The following CSMD3 variants were observed in gnomAD, a reference collection of about 807,000 sequenced individuals.
CSMD3 encodes CUB and sushi domain-containing protein 3.
In CSMD3, 177 loss-of-function variants were observed where a neutral mutation model predicts 435.2. That is an observed-to-expected ratio of 0.41 (90% CI 0.36 to 0.46). CSMD3 has a LOEUF of 0.46. Among genes scored for constraint, CSMD3 ranks in the 20% least tolerant of loss-of-function variants. The pLI is 0.34. For missense variants in CSMD3, 4,265 were observed against 4,504.6 expected (o/e 0.95, Z 1.52); for synonymous variants, 1,656 against 1,520.5 (o/e 1.09, Z -2.07).
rs538363975 is a variant in CSMD3, at chr8:112,650,289, T to C, written c.3065A>G (p.Tyr1022Cys). 10 of 1,613,676 alleles carry C rather than the reference T, an allele frequency of 6.2e-6. No individual in the cohort carries two copies. The Admixed American group carries it at 1.5e-4, about 24-fold the overall frequency. ...DPGIPVHGRR[Y>C]GHDFSIGSTV... ...AGAGCCAATGGAGAAATCATGACCA[T>C]AGCGACGGCCATGTACAGGTATGCC... Residue 1022 changes from tyrosine to cysteine, a missense_variant, in exon 19 of 71, where the codon TAT (tyrosine) becomes TGT (cysteine). This residue lies in a region of CSMD3 where 3,255 missense variants were observed against 3,380.2 expected (regional missense o/e 0.96). Transcript: ENST00000297405.
At chr8:112,254,464 T>C in intron 62 of CSMD3, 138 bp from the exon 63 acceptor site, 1 of 695,884 alleles carries the variant, frequency 1.4e-6, no homozygotes, top group Non-Finnish European at 2.6e-6. Flanking sequence ...TGTAATAACA[T>C]CTCTCCATGG....
chr8:113,136,119 T>C (rs1450401831), intron 4 of CSMD3, among the ~76,000 whole-genome samples: 1 of 151,834 alleles, frequency 6.6e-6, no homozygotes, highest in Non-Finnish European at 1.5e-5. Context: ...AAATTAAGTA[T>C]GAGTTCAGTT....
chr8:113,286,587 T>C (rs554625940), intron 2 of CSMD3, among the ~76,000 whole-genome samples: 14 of 152,114 alleles, frequency 9.2e-5, no homozygotes, highest in African/African-American at 3.4e-4. Flanking sequence ...ATCATTCTTA[T>C]AGATAAGAAT....
intron 6 of CSMD3, among the ~76,000 whole-genome samples, chr8:112,991,419 A>G (rs2131018521): frequency 6.6e-6 from 1 of 151,930 alleles, no homozygotes; most frequent in Admixed American, 6.6e-5. Flanking sequence ...AAAAATGGTC[A>G]GCCAGTATGC....
intron 4 of CSMD3, among the ~76,000 whole-genome samples, chr8:113,110,111 C>A (rs1004936814): frequency 7.9e-5 from 12 of 152,162 alleles, no homozygotes; most frequent in African/African-American, 2.9e-4. Flanking sequence ...CCTTTGACAT[C>A]ATTCTTCCAC....
intron 40 of CSMD3, among the ~76,000 whole-genome samples, chr8:112,348,802 C>A (rs1177719876): frequency 6.6e-6 from 1 of 151,978 alleles, no homozygotes; most frequent in East Asian, 1.9e-4. Flanking sequence ...TAAACTTAAT[C>A]AAAATGATAC....
At chr8:112,692,087 G>A (rs563093649) in intron 13 of CSMD3, among the ~76,000 whole-genome samples, 18 of 152,142 alleles carry the variant, frequency 1.2e-4, no homozygotes, top group African/African-American at 4.3e-4. Context: ...ACAGGTGTGA[G>A]CCACTGCGCC....
intron 13 of CSMD3, among the ~76,000 whole-genome samples, chr8:112,704,759 A>G (rs969321911): frequency 6.6e-6 from 1 of 152,124 alleles, no homozygotes; most frequent in African/African-American, 2.4e-5. Context: ...GAAATATATA[A>G]TTTACAAATG....
At chr8:112,319,299 G>A (rs770099516) in intron 46 of CSMD3, among the ~76,000 whole-genome samples, 33 of 151,812 alleles carry the variant, frequency 2.2e-4, no homozygotes, top group African/African-American at 4.1e-4. Context: ...AAGTTACATC[G>A]GTCACTGATA....
At chr8:113,195,730 T>A (rs1258176532) in intron 3 of CSMD3, among the ~76,000 whole-genome samples, 1 of 147,764 alleles carries the variant, frequency 6.8e-6, no homozygotes, top group African/African-American at 2.5e-5. Flanking sequence ...TATCTATAAC[T>A]ATATCTCTAT....
chr8:113,083,068 T>C (rs535476387), intron 5 of CSMD3, among the ~76,000 whole-genome samples: 1 of 152,306 alleles, frequency 6.6e-6, no homozygotes, highest in Admixed American at 6.5e-5. Flanking sequence ...AGGAGAGAAC[T>C]AGACATCCAG....
chr8:112,443,099 A>G (rs1320676057), intron 32 of CSMD3, among the ~76,000 whole-genome samples: 7 of 152,192 alleles, frequency 4.6e-5, no homozygotes, highest in Non-Finnish European at 7.4e-5. Flanking sequence ...CCCTGGTGCC[A>G]GGAACTTAGG....
intron 12 of CSMD3, among the ~76,000 whole-genome samples, chr8:112,810,809 A>G (rs2132385211): frequency 6.6e-6 from 1 of 152,196 alleles, no homozygotes; most frequent in South Asian, 2.1e-4. Flanking sequence ...AAAATATTTT[A>G]TTTAAAAATT....
intron 1 of CSMD3, among the ~76,000 whole-genome samples, chr8:113,417,389 G>T (rs1439798389): frequency 6.6e-6 from 1 of 151,658 alleles, no homozygotes; most frequent in South Asian, 2.1e-4. Context: ...TAGAGACAAA[G>T]GAGAAAATAA....
intron 6 of CSMD3, among the ~76,000 whole-genome samples, chr8:113,013,268 T>C (rs1180664314): frequency 1.3e-5 from 2 of 152,098 alleles, no homozygotes; most frequent in East Asian, 3.9e-4. Context: ...TAGTGAGAAA[T>C]ATAAAGCCTA....
chr8:112,718,471 T>C (rs1020494848), intron 13 of CSMD3, among the ~76,000 whole-genome samples: 4 of 151,524 alleles, frequency 2.6e-5, no homozygotes, highest in African/African-American at 7.3e-5. Context: ...CAGTGTTTTA[T>C]ATGAACAATT....
chr8:112,895,194 T>C (rs1483671631), intron 10 of CSMD3, among the ~76,000 whole-genome samples: 2 of 151,448 alleles, frequency 1.3e-5, no homozygotes, highest in East Asian at 2.0e-4. Flanking sequence ...TAATGAGAGA[T>C]ATCAGCAAAC....
At chr8:112,804,647 T>C (rs967393510) in intron 12 of CSMD3, among the ~76,000 whole-genome samples, 6 of 115,606 alleles carry the variant, frequency 5.2e-5, no homozygotes, top group African/African-American at 2.1e-4. Flanking sequence ...TGCTAACTCA[T>C]TGCATTTATT....
intron 31 of CSMD3, among the ~76,000 whole-genome samples, chr8:112,479,291 G>C (rs544856972): frequency 1.3e-5 from 2 of 152,302 alleles, no homozygotes; most frequent in African/African-American, 4.8e-5. Flanking sequence ...ATTTAGAAGG[G>C]AAGTAGAGTG....
Sources: allele counts gnomAD v4.1 joint callset (sites outside exome capture counted in the v4.1 genomes callset), GRCh38; gene constraint gnomAD v4.1.1; regional missense constraint gnomAD v4.1.1; transcripts MANE v1.5; gene names NCBI Gene and HGNC (gene_info 2026-07-23, HGNC 2026-07-21).